Variants in EFCAB6 observed in about 807,000 individuals in gnomAD.
EFCAB6 encodes the protein EF-hand calcium binding domain 6.
In EFCAB6, 156 loss-of-function variants were observed where a neutral mutation model predicts 169.8. The ratio of observed to expected loss-of-function variants is 0.92; its 90% CI spans 0.81 to 1.05. The LOEUF is 1.05. Among genes scored for constraint, EFCAB6 ranks in the 50% least tolerant of loss-of-function variants. The pLI is 0.00. For missense variants in EFCAB6, 1,800 were observed against 1,829.1 expected, an observed-to-expected ratio of 0.98 and a Z score of 0.29; for synonymous variants, 698 against 676.4, an observed-to-expected ratio of 1.03 and a Z score of -0.50.
chr22:43,637,344 T>C (rs1180808527), intron 17 of EFCAB6, among the ~76,000 whole-genome samples: 2 of 152,214 alleles, frequency 1.3e-5, no homozygotes, highest in Admixed American at 1.3e-4. Context: ...GTCATCAGCT[T>C]CCTTTGTTTT....
chr22:43,543,697 A>C (rs755930165), intron 27 of EFCAB6, among the ~76,000 whole-genome samples: 21 of 152,096 alleles, frequency 1.4e-4, no homozygotes, highest in Admixed American at 1.1e-3. Context: ...GAGGGGCTGG[A>C]TGGGGCCGGA....
chr22:43,760,714 G>A (rs1459784151), intron 5 of EFCAB6, among the ~76,000 whole-genome samples: 2 of 150,010 alleles, frequency 1.3e-5, no homozygotes, highest in East Asian at 2.0e-4. Context: ...GCAGGAGTGT[G>A]GTGGCACAAT....
intron 8 of EFCAB6, among the ~76,000 whole-genome samples, chr22:43,728,129 G>T: frequency 6.6e-6 from 1 of 151,208 alleles, no homozygotes. Context: ...TGTTCTCATT[G>T]TTCAACTCTC....
rs5764686 is a variant in EFCAB6, at chr22:43,604,904, C to T, written c.2681+3578G>A. 1.8e-4 allele frequency among the ~76,000 whole-genome samples: 27 copies of T among 152,330 alleles called. No homozygotes were observed. In the East Asian group the frequency reaches 4.4e-3, roughly 25 times the overall value. On this transcript the variant is annotated intron_variant, in intron 22 of 31. Coordinates refer to ENST00000262726, the MANE Select transcript of EFCAB6 (RefSeq NM_022785.4). ...ACGCAAGGATCTCCACGGATATTTCCGAGCCTGCTGCTTTTCCTACTCGGG... is the reference window on the plus strand; with the variant it reads ...ACGCAAGGATCTCCACGGATATTTCTGAGCCTGCTGCTTTTCCTACTCGGG...
chr22:43,641,105 T>C (rs1383537400), intron 17 of EFCAB6, among the ~76,000 whole-genome samples: 1 of 152,208 alleles, frequency 6.6e-6, no homozygotes, highest in Non-Finnish European at 1.5e-5. Context: ...ACACTTCTTT[T>C]TCACTTCTAT....
intron 17 of EFCAB6, among the ~76,000 whole-genome samples, chr22:43,662,168 T>TAAC: frequency 7.6e-6 from 1 of 131,772 alleles, no homozygotes; most frequent in East Asian, 2.0e-4. Flanking sequence ...AAAATAATAA[T>TAAC]AATAATAATA....
chr22:43,805,962 C>T (rs553016267), intron 2 of EFCAB6, among the ~76,000 whole-genome samples: 51 of 152,122 alleles, frequency 3.4e-4, no homozygotes, highest in African/African-American at 1.0e-3. Flanking sequence ...GCCAGGAGTT[C>T]GAGACTAGCC....
intron 2 of EFCAB6, among the ~76,000 whole-genome samples, chr22:43,803,816 C>T (rs2062818256): frequency 6.6e-6 from 1 of 152,152 alleles, no homozygotes; most frequent in African/African-American, 2.4e-5. Context: ...ACAGACTAGA[C>T]CTAATAGGGC....
In EFCAB6 at chr22:43,802,915, G is replaced by A. The variant is rs557953573; in HGVS notation, c.-8+6080C>T. The A allele has an allele frequency of 3.2e-5, 8 of 251,868 alleles. No individual in the cohort carries two copies. The South Asian group carries it at 4.0e-4, about 13-fold the overall frequency. 15.6% of individuals were successfully genotyped at this position (251,868 alleles called of 1,614,324 possible). ...TTCATTGTTGTCTTTTGGGGAAGGA[G>A]CCTATGTCACTAATAGAATGTCTTC... On this transcript the variant is annotated intron_variant, in intron 2 of 31. Transcript: ENST00000262726.
At position 43,600,091 on chromosome 22, in the gene EFCAB6, T is replaced by C; in HGVS notation, c.2854A>G (p.Thr952Ala). 6.2e-7 allele frequency: 1 copy of C among 1,614,028 alleles called. No homozygotes were observed. The highest frequency in any genetic ancestry group is 8.5e-7 in the Non-Finnish European group (1 of 1,179,976). ...QEEMKELQQS[T>A]EKAVAARDKL... is the part of the protein sequence containing the mutation. Reference sequence around the variant, plus strand: ...CACCTGGCTGCCACAGCCTTCTCTGTGCTCTGCTGCAGCTCCTTCATCTCT... The same window carrying C: ...CACCTGGCTGCCACAGCCTTCTCTGCGCTCTGCTGCAGCTCCTTCATCTCT... Residue 952 changes from threonine to alanine, a missense_variant, in exon 23 of 32, where the codon ACA becomes GCA. Thr to Ala is a moderately conservative substitution (Grantham distance 58). Coordinates refer to ENST00000262726, the MANE Select transcript of EFCAB6 (RefSeq NM_022785.4).
At chr22:43,530,625 C>G in intron 31 of EFCAB6, 190 bp downstream of exon 31, 3 of 985,394 alleles carry the variant, frequency 3.0e-6, no homozygotes, top group Non-Finnish European at 3.6e-6. Flanking sequence ...GAAGGAGAAC[C>G]CGGGGTCTGA....
At chr22:43,669,988 A>C (rs983550516) in intron 15 of EFCAB6, among the ~76,000 whole-genome samples, 2 of 152,152 alleles carry the variant, frequency 1.3e-5, no homozygotes, top group Non-Finnish European at 2.9e-5. Flanking sequence ...TCTTGTGTAG[A>C]TTGTGCTTTC....
chr22:43,764,159 C>T (rs2061253091), intron 5 of EFCAB6, among the ~76,000 whole-genome samples: 1 of 152,158 alleles, frequency 6.6e-6, no homozygotes, highest in African/African-American at 2.4e-5. Context: ...TCCTGTCACC[C>T]AGGTAGTGGG....
At chr22:43,611,970 C>G (rs2053340298) in intron 21 of EFCAB6, among the ~76,000 whole-genome samples, 1 of 152,056 alleles carries the variant, frequency 6.6e-6, no homozygotes, top group Admixed American at 6.6e-5. Context: ...GACACATAGA[C>G]CAGTGGAATA....
At chr22:43,579,152 A>C (rs541280649) in intron 25 of EFCAB6, among the ~76,000 whole-genome samples, 24 of 150,452 alleles carry the variant, frequency 1.6e-4, no homozygotes, top group African/African-American at 5.4e-4. Context: ...ACACGTAGGC[A>C]TCATTGCTTA....
chr22:43,639,463 A>G (rs912671125), intron 17 of EFCAB6, among the ~76,000 whole-genome samples: 10 of 152,074 alleles, frequency 6.6e-5, no homozygotes, highest in Admixed American at 1.3e-4. Context: ...TCCTTTCCAT[A>G]TGTTACTGTT....
At chr22:43,806,411 C>T (rs1034291953) in intron 2 of EFCAB6, among the ~76,000 whole-genome samples, 3 of 151,974 alleles carry the variant, frequency 2.0e-5, no homozygotes, top group Non-Finnish European at 4.4e-5. Flanking sequence ...CATGCCACCA[C>T]ACCTGCCTAA....
chr22:43,808,304 T>C (rs2062988468), intron 2 of EFCAB6, among the ~76,000 whole-genome samples: 1 of 152,200 alleles, frequency 6.6e-6, no homozygotes, highest in South Asian at 2.1e-4. Context: ...TGAATCTAGG[T>C]ATCTTCGAGT....
chr22:43,567,955 G>A (rs1425218367), intron 26 of EFCAB6, among the ~76,000 whole-genome samples: 3 of 152,230 alleles, frequency 2.0e-5, no homozygotes, highest in Non-Finnish European at 4.4e-5. Flanking sequence ...TACCACATGT[G>A]CAAGAACACA....
Sources: allele counts gnomAD v4.1 joint callset (sites outside exome capture counted in the v4.1 genomes callset), GRCh38; gene constraint gnomAD v4.1.1; transcripts MANE v1.5; gene names NCBI Gene and HGNC (gene_info 2026-07-23, HGNC 2026-07-21).